KIDINS220: variants seen among roughly 807,000 people sequenced by gnomAD.
KIDINS220 encodes kinase D-interacting substrate of 220 kDa.
KIDINS220 carries 63 observed loss-of-function variants against 157.6 expected under a neutral mutation model. The ratio of observed to expected loss-of-function variants is 0.40; its 90% confidence interval spans 0.33 to 0.49. The LOEUF is 0.49. Ranked by LOEUF, KIDINS220 falls within the 20% of genes least tolerant of loss-of-function variation. The pLI, the probability that KIDINS220 is intolerant of heterozygous loss-of-function variation, is 0.66. For missense variants in KIDINS220, 1,772 were observed against 2,171.2 expected (o/e 0.82, Z 3.65); for synonymous variants, 732 against 783.6 (o/e 0.93, Z 1.10).
At chr2:8,788,896 G>A (rs988321572) in intron 14 of KIDINS220, 84 bp from the exon 15 acceptor site, 2 of 1,257,790 alleles carry the variant, frequency 1.6e-6, no homozygotes, top group East Asian at 2.3e-5. Flanking sequence ...ATCAAGTAAT[G>A]AGAGCTAAGC....
chr2:8,817,267 T>G (rs1239596322), intron 4 of KIDINS220, among the ~76,000 whole-genome samples: 3 of 152,180 alleles, frequency 2.0e-5, no homozygotes, highest in Non-Finnish European at 2.9e-5. Flanking sequence ...TTCAAACACC[T>G]GATAATAGTT....
chr2:8,816,915 G>A (rs1008927870), intron 4 of KIDINS220, among the ~76,000 whole-genome samples: 1 of 152,168 alleles, frequency 6.6e-6, no homozygotes, highest in Non-Finnish European at 1.5e-5. Flanking sequence ...GCTATTAAGG[G>A]CAAAATGGTG....
intron 26 of KIDINS220, 34 bp downstream of exon 26, chr2:8,747,111 G>A: frequency 1.3e-6 from 2 of 1,594,462 alleles, no homozygotes; most frequent in South Asian, 1.1e-5. Flanking sequence ...GCAATGAGAT[G>A]CCAGCGATCC....
At chr2:8,801,061 G>A (rs956484024) in intron 8 of KIDINS220, among the ~76,000 whole-genome samples, 2 of 152,110 alleles carry the variant, frequency 1.3e-5, no homozygotes, top group African/African-American at 4.8e-5. Flanking sequence ...TCATTCCCCA[G>A]CATAAGACTA....
In KIDINS220 at chr2:8,730,345, C is replaced by T. The variant is rs1663867449; in HGVS notation, c.*375G>A. The T allele has an allele frequency of 9.9e-7, 1 of 1,014,418 alleles. No homozygotes were observed. Among genetic ancestry groups the T allele is most frequent in the Non-Finnish European group, 1.2e-6 (1 of 849,232 alleles). The allele number at this position is 1,014,418 out of a possible 1,614,324, so 62.8% of individuals were successfully genotyped here. Reference sequence around the variant, plus strand: ...CGTCTTCCCTCAAATGTGTGGTCACCAAATGTTTGCAAAAAGGGTCTCTAG... The same window carrying T: ...CGTCTTCCCTCAAATGTGTGGTCACTAAATGTTTGCAAAAAGGGTCTCTAG... On this transcript the variant is annotated 3_prime_UTR_variant, in exon 30 of 30. Coordinates refer to ENST00000256707, the MANE Select transcript of KIDINS220 (RefSeq NM_020738.4).
At position 8,750,262 on chromosome 2, in the gene KIDINS220, A is replaced by G. The variant is rs747433156; in HGVS notation, c.3264T>C (p.Pro1088=). The G allele has an allele frequency of 2.5e-6, 4 of 1,613,974 alleles. No individual in the cohort carries two copies. The highest frequency in any genetic ancestry group is 2.2e-5 in the East Asian group (1 of 44,874). The change falls in exon 24 of 30, where the codon CCT becomes CCC. Residue 1088 remains proline (P), a synonymous_variant. Transcript: ENST00000256707. ...AYPPLPLHEG[P]PRAPSGYSQP... is the part of the protein sequence containing the mutation. ...GGCTGTACCCTGATGGCGCCCTAGG[A>G]GGACCCTCATGTAGAGGGAGCGGGG...
chr2:8,743,761 G>T (rs185846048), intron 26 of KIDINS220, among the ~76,000 whole-genome samples: 1 of 152,266 alleles, frequency 6.6e-6, no homozygotes, highest in East Asian at 1.9e-4. Context: ...CCCTCAAGAG[G>T]AAAGGCATGT....
At chr2:8,829,714 C>T (rs1249005429) in intron 1 of KIDINS220, among the ~76,000 whole-genome samples, 2 of 151,978 alleles carry the variant, frequency 1.3e-5, no homozygotes, top group Non-Finnish European at 2.9e-5. Context: ...AAAAAAAGAA[C>T]AAATGGTGAT....
chr2:8,728,497 C>T (rs945934191), downstream of KIDINS220, among the ~76,000 whole-genome samples: 1 of 152,200 alleles, frequency 6.6e-6, no homozygotes, highest in Non-Finnish European at 1.5e-5. Flanking sequence ...AACAGATACA[C>T]ACACACATAG....
chr2:8,735,446 C>T (rs10188866), intron 27 of KIDINS220, among the ~76,000 whole-genome samples: 3 of 151,992 alleles, frequency 2.0e-5, no homozygotes, highest in Non-Finnish European at 2.9e-5. Flanking sequence ...GCAGGAGGAT[C>T]GCTTGCACCC....
chr2:8,792,219 G>GTAA (rs1240377986), intron 12 of KIDINS220, among the ~76,000 whole-genome samples: 1 of 152,108 alleles, frequency 6.6e-6, no homozygotes, highest in Non-Finnish European at 1.5e-5. Context: ...CTTTTGCAAT[G>GTAA]TAATACTAAG....
chr2:8,763,380 A>C (rs201831710), intron 22 of KIDINS220, among the ~76,000 whole-genome samples: 26 of 152,194 alleles, frequency 1.7e-4, no homozygotes, highest in Admixed American at 1.0e-3. Context: ...CCAAAAATCC[A>C]AAATCCCAAA....
chr2:8,801,302 T>C (rs1194721205), intron 8 of KIDINS220, among the ~76,000 whole-genome samples: 2 of 152,226 alleles, frequency 1.3e-5, no homozygotes, highest in African/African-American at 2.4e-5. Context: ...AAAAGTACTA[T>C]GAAATAAATC....
chr2:8,756,826 A>G (rs758347443), intron 22 of KIDINS220, among the ~76,000 whole-genome samples: 1 of 152,210 alleles, frequency 6.6e-6, no homozygotes, highest in Non-Finnish European at 1.5e-5. Context: ...TTTGGGCTTC[A>G]ACACGAAAAT....
At chr2:8,774,153 G>A (rs542000862) in intron 21 of KIDINS220, among the ~76,000 whole-genome samples, 5 of 151,954 alleles carry the variant, frequency 3.3e-5, no homozygotes, top group South Asian at 2.1e-4. Context: ...AAAATTAGCC[G>A]GGCGTGGTGG....
chr2:8,771,379 C>T (rs190791514), intron 21 of KIDINS220, among the ~76,000 whole-genome samples: 56 of 152,262 alleles, frequency 3.7e-4, no homozygotes, highest in African/African-American at 1.3e-3. Flanking sequence ...TTATTATTTA[C>T]GTATTTTAAA....
At chr2:8,806,410 T>C (rs1675462817) in intron 6 of KIDINS220, 41 bp from the exon 7 acceptor site, 2 of 1,311,606 alleles carry the variant, frequency 1.5e-6, no homozygotes, top group Non-Finnish European at 1.1e-6. Flanking sequence ...TTATAAAAAG[T>C]ATACTCAAAG....
At chr2:8,753,893 AG>A (rs1308381904) in intron 22 of KIDINS220, among the ~76,000 whole-genome samples, 14 of 152,190 alleles carry the variant, frequency 9.2e-5, no homozygotes, top group Non-Finnish European at 1.0e-4. Flanking sequence ...AATTAACTTC[AG>A]AAAGTCCGTT....
rs1420279532 is a variant in KIDINS220 at position 8,728,864 on chromosome 2, C to T, written c.*1856G>A. Reference sequence around the variant, plus strand: ...TCAGACATGTGACAAAACAAACACACAAACTACTTTTATTTTTAATCAAAA... The same window carrying T: ...TCAGACATGTGACAAAACAAACACATAAACTACTTTTATTTTTAATCAAAA... On this transcript the variant is annotated 3_prime_UTR_variant, in exon 30 of 30. Transcript: ENST00000256707. 1.3e-5 allele frequency: 13 copies of T among 985,112 alleles called. No homozygotes were observed. The highest frequency in any genetic ancestry group is 1.3e-5 in the Non-Finnish European group (11 of 829,634). The allele number at this position is 985,112 out of a possible 1,614,324, so 61.0% of individuals were successfully genotyped here. A position where few individuals can be genotyped will look rare whatever the true frequency, so the allele number is the denominator to read the frequency against.
Sources: gnomAD v4.1 joint callset for allele counts (sites outside exome capture counted in the v4.1 genomes callset) on GRCh38, gnomAD v4.1.1 for gene constraint, MANE v1.5 for transcripts, NCBI Gene and HGNC (gene_info 2026-07-23, HGNC 2026-07-21) for gene names.